The following NRG1 variants were observed in gnomAD, a reference collection of about 807,000 sequenced individuals.
NRG1 encodes neuregulin 1.
Under a neutral mutation model 63.8 loss-of-function variants are expected in NRG1, and 18 were observed. The observed-to-expected ratio is 0.28, with a 90% confidence interval of 0.19 to 0.42. NRG1 has a LOEUF of 0.42. NRG1 is among the 10% of genes least tolerant of loss of function. NRG1 has a pLI of 1.00. For synonymous variants in NRG1, 302 were observed against 301.3 expected, an observed-to-expected ratio of 1.00 and a Z score of -0.02; for missense variants, 762 against 814.7, an observed-to-expected ratio of 0.94 and a Z score of 0.79.
chr8:31,883,030 A>C, intron 1 of NRG1, among the ~76,000 whole-genome samples: 1 of 152,128 alleles, frequency 6.6e-6, no homozygotes, highest in East Asian at 1.9e-4. Context: ...AAGAAATTTT[A>C]TTGTGGGTAG....
intron 1 of NRG1, chr8:32,026,227 C>T (rs1012084284): frequency 5.3e-5 from 8 of 151,846 alleles, no homozygotes; most frequent in Non-Finnish European, 1.5e-5. Flanking sequence ...TGTGCAATCT[C>T]TATGGTAACC....
At chr8:31,893,316 T>G (rs2129614214) in intron 1 of NRG1, among the ~76,000 whole-genome samples, 1 of 151,350 alleles carries the variant, frequency 6.6e-6, no homozygotes, top group African/African-American at 2.4e-5. Context: ...GATTTTAAGG[T>G]TAAGTGGGAA....
At chr8:32,688,058 G>A (rs956860451) in intron 5 of NRG1, among the ~76,000 whole-genome samples, 12 of 152,050 alleles carry the variant, frequency 7.9e-5, no homozygotes, top group African/African-American at 2.7e-4. Context: ...GTAGAGAAGG[G>A]GAGAAATGAA....
chr8:32,681,808 G>A (rs1041535147), intron 5 of NRG1, among the ~76,000 whole-genome samples: 1 of 152,138 alleles, frequency 6.6e-6, no homozygotes, highest in Admixed American at 6.6e-5. Flanking sequence ...GAAACAGACG[G>A]CGACCCATTT....
intron 1 of NRG1, among the ~76,000 whole-genome samples, chr8:32,594,027 T>A (rs1213425608): frequency 6.6e-6 from 1 of 152,168 alleles, no homozygotes; most frequent in Non-Finnish European, 1.5e-5. Flanking sequence ...TATGTAGCTG[T>A]AGGGGTACTG....
chr8:31,648,162 T>C (rs996182905), intron 1 of NRG1, among the ~76,000 whole-genome samples: 1 of 129,580 alleles, frequency 7.7e-6, no homozygotes, highest in African/African-American at 3.0e-5. Context: ...GAGACGGAGT[T>C]TCGCTCTGTC....
chr8:32,348,960 C>T (rs1374112329), intron 1 of NRG1, among the ~76,000 whole-genome samples: 1 of 152,176 alleles, frequency 6.6e-6, no homozygotes, highest in Non-Finnish European at 1.5e-5. Context: ...TATATCTTAG[C>T]AGAGTGCACT....
intron 5 of NRG1, among the ~76,000 whole-genome samples, chr8:32,670,869 G>A (rs1490451747): frequency 6.6e-6 from 1 of 152,088 alleles, no homozygotes; most frequent in Admixed American, 6.6e-5. Flanking sequence ...AGTTTACATT[G>A]TATACACATA....
intron 2 of NRG1, among the ~76,000 whole-genome samples, chr8:32,600,092 G>T (rs2129538313): frequency 6.6e-6 from 1 of 152,122 alleles, no homozygotes; most frequent in Non-Finnish European, 1.5e-5. Context: ...TTTATGTGAG[G>T]CACTTGGTAC....
At chr8:32,077,682 G>A (rs1202025596) in intron 1 of NRG1, among the ~76,000 whole-genome samples, 4 of 152,190 alleles carry the variant, frequency 2.6e-5, no homozygotes, top group Admixed American at 2.0e-4. Context: ...ATTTTACACT[G>A]AGTTTGAAAC....
At chr8:31,783,563 G>A (rs1395526542) in intron 1 of NRG1, among the ~76,000 whole-genome samples, 1 of 147,592 alleles carries the variant, frequency 6.8e-6, no homozygotes, top group African/African-American at 2.5e-5. Flanking sequence ...AGGCCAAAAT[G>A]CCCTCAAAGG....
At chr8:31,884,456 G>A (rs548140270) in intron 1 of NRG1, among the ~76,000 whole-genome samples, 83 of 152,146 alleles carry the variant, frequency 5.5e-4, no homozygotes, top group Non-Finnish European at 1.0e-3. Flanking sequence ...CAGAGTAATG[G>A]CTCCTCCTAT....
intron 1 of NRG1, among the ~76,000 whole-genome samples, chr8:32,049,894 A>G (rs748187755): frequency 1.3e-5 from 2 of 152,130 alleles, no homozygotes; most frequent in Non-Finnish European, 2.9e-5. Context: ...TGCTATGAGT[A>G]TTTACATCAG....
At chr8:32,381,886 A>G (rs578250273) in intron 1 of NRG1, among the ~76,000 whole-genome samples, 2 of 152,234 alleles carry the variant, frequency 1.3e-5, no homozygotes, top group African/African-American at 4.8e-5. Context: ...ACTGAAAGTA[A>G]ATATAGACAA....
At chr8:31,951,549 C>T (rs1803465922) in intron 1 of NRG1, among the ~76,000 whole-genome samples, 1 of 152,192 alleles carries the variant, frequency 6.6e-6, no homozygotes, top group South Asian at 2.1e-4. Context: ...CTGTTCTCTT[C>T]CCAGTCCATC....
At chr8:32,338,175 T>C (rs979776506) in intron 1 of NRG1, among the ~76,000 whole-genome samples, 3 of 152,188 alleles carry the variant, frequency 2.0e-5, no homozygotes, top group Non-Finnish European at 4.4e-5. Flanking sequence ...CTCTATCTTT[T>C]ATGGAGGAGA....
chr8:32,502,055 A>G (rs1293689721), intron 1 of NRG1, among the ~76,000 whole-genome samples: 2 of 152,192 alleles, frequency 1.3e-5, no homozygotes, highest in Non-Finnish European at 2.9e-5. Context: ...CCATTCTTGC[A>G]TTGCTGTAAA....
chr8:31,875,734 C>T (rs907588292), intron 1 of NRG1, among the ~76,000 whole-genome samples: 7 of 152,106 alleles, frequency 4.6e-5, no homozygotes, highest in African/African-American at 1.4e-4. Flanking sequence ...CTGAGACTTT[C>T]GGAGGATGAT....
At chr8:32,174,647 T>G (rs184934731) in intron 1 of NRG1, among the ~76,000 whole-genome samples, 12,954 of 151,632 alleles carry the variant, frequency 0.085, 679 homozygotes, top group East Asian at 0.26. Flanking sequence ...TGATAAAGGG[T>G]ATATCACCAC....
Sources: gnomAD v4.1 joint callset for allele counts (sites outside exome capture counted in the v4.1 genomes callset) on GRCh38, gnomAD v4.1.1 for gene constraint, MANE v1.5 for transcripts, NCBI Gene and HGNC (gene_info 2026-07-23, HGNC 2026-07-21) for gene names.